The following PPP1R12B variants were observed in gnomAD, a reference collection of about 807,000 sequenced individuals.
PPP1R12B encodes myosin phosphatase target subunit 2.
Under a neutral mutation model 126.1 loss-of-function variants are expected in PPP1R12B, and 76 were observed. The ratio of observed to expected loss-of-function variants is 0.60; its 90% confidence interval spans 0.50 to 0.73. The LOEUF is 0.73. Ranked by LOEUF, PPP1R12B falls within the 30% of genes least tolerant of loss-of-function variation. The probability of loss-of-function intolerance (pLI) is 0.00; values close to 1 mark genes in which losing one functional copy is unlikely to be tolerated. For synonymous variants in PPP1R12B, 356 were observed against 434.7 expected (o/e 0.82, Z 2.25); for missense variants, 1,052 against 1,205.1 (o/e 0.87, Z 1.88).
intron 18 of PPP1R12B, among the ~76,000 whole-genome samples, chr1:202,532,669 T>TA (rs1684076000): frequency 1.3e-5 from 2 of 152,034 alleles, no homozygotes; most frequent in South Asian, 4.2e-4. Context: ...CATATAATCT[T>TA]AGAGTCCTCT....
At chr1:202,471,539 G>A (rs1427561487) in intron 13 of PPP1R12B, among the ~76,000 whole-genome samples, 5 of 140,506 alleles carry the variant, frequency 3.6e-5, no homozygotes, top group Non-Finnish European at 6.1e-5. Context: ...ATGTACGTGA[G>A]TTTCTCATTC....
At chr1:202,562,947 G>T in intron 20 of PPP1R12B, 25 bp downstream of exon 20, 1 of 1,533,554 alleles carries the variant, frequency 6.5e-7, no homozygotes, top group African/African-American at 1.4e-5. Context: ...CAATTTTCCG[G>T]TTCTTTGGTG....
intron 13 of PPP1R12B, among the ~76,000 whole-genome samples, chr1:202,467,899 T>C (rs1473510698): frequency 1.3e-5 from 2 of 152,086 alleles, no homozygotes; most frequent in African/African-American, 2.4e-5. Context: ...TTTCCTGACT[T>C]TTTAATGATT....
chr1:202,486,668 G>A (rs1344310786), intron 13 of PPP1R12B, among the ~76,000 whole-genome samples: 1 of 152,292 alleles, frequency 6.6e-6, no homozygotes, highest in South Asian at 2.1e-4. Context: ...TTAGCAGGGC[G>A]TAGTGGCGTG....
At chr1:202,424,696 G>A (rs1332619731) in intron 3 of PPP1R12B, among the ~76,000 whole-genome samples, 1 of 152,038 alleles carries the variant, frequency 6.6e-6, no homozygotes, top group Non-Finnish European at 1.5e-5. Context: ...TTTTTGAATG[G>A]GTATGTTTGT....
chr1:202,474,699 G>A (rs992442789), intron 13 of PPP1R12B, among the ~76,000 whole-genome samples: 1 of 152,124 alleles, frequency 6.6e-6, no homozygotes, highest in African/African-American at 2.4e-5. Context: ...GACTTCTAGA[G>A]CTGTGGTGTG....
chr1:202,417,830 G>A (rs1668280045), intron 2 of PPP1R12B, among the ~76,000 whole-genome samples: 1 of 152,242 alleles, frequency 6.6e-6, no homozygotes, highest in Non-Finnish European at 1.5e-5. Context: ...TTTGTTGGCA[G>A]CTGTGTAGAG....
At chr1:202,356,618 A>G (rs1481112855) in intron 1 of PPP1R12B, among the ~76,000 whole-genome samples, 2 of 152,162 alleles carry the variant, frequency 1.3e-5, no homozygotes, top group Non-Finnish European at 2.9e-5. Flanking sequence ...TAAGACAGGC[A>G]AGAGAGCAGA....
rs1262546186 is a variant in PPP1R12B at position 202,582,316 on chromosome 1, A to G, written c.*1756A>G. ...CCAGGCCTGGAAAGAATACAAATCC[A>G]GTGCAAAATTAAACCATTAGTTCTT... On this transcript the variant is annotated 3_prime_UTR_variant, in exon 24 of 24. Transcript: ENST00000608999. 6.6e-6 allele frequency: 1 copy of G among 152,628 alleles called. No individual in the cohort carries two copies. Among genetic ancestry groups the G allele is most frequent in the African/African-American group, 2.4e-5 (1 of 41,438 alleles). The allele number at this position is 152,628 out of a possible 1,614,324, so 9.5% of individuals were successfully genotyped here.
intron 12 of PPP1R12B, chr1:202,445,268 G>A: frequency 8.2e-7 from 1 of 1,220,648 alleles, no homozygotes; most frequent in Non-Finnish European, 1.0e-6. Context: ...ATTCATCAAA[G>A]TTAATGGCTC....
In PPP1R12B at chr1:202,502,111, T is replaced by C. The variant is rs142880322; in HGVS notation, c.2490+5289T>C. ...CAGGTGGCACTCAATCTGAACAAAA[T>C]CACTGAAACCTTACCCTCAAAGTTA... On this transcript the variant is annotated intron_variant, in intron 18 of 23. Transcript: ENST00000608999. 2,589 of 985,766 alleles carry C rather than the reference T, an allele frequency of 2.6e-3. 47 individuals are homozygous for C. The African/African-American group carries it at 0.042, about 16-fold the overall frequency. 61.1% of individuals were successfully genotyped at this position (985,766 alleles called of 1,614,324 possible).
intron 18 of PPP1R12B, chr1:202,501,814 C>T (rs1680253754): frequency 1.0e-6 from 1 of 975,564 alleles, no homozygotes; most frequent in Non-Finnish European, 1.2e-6. Flanking sequence ...TTAGGACTTA[C>T]ATCCTTTTCT....
intron 13 of PPP1R12B, among the ~76,000 whole-genome samples, chr1:202,451,254 G>T (rs559702154): frequency 6.7e-6 from 1 of 149,680 alleles, no homozygotes; most frequent in South Asian, 2.2e-4. Context: ...AATAGTGGAG[G>T]GAAGGTCAGC....
chr1:202,510,250 C>T (rs1167709819), intron 18 of PPP1R12B, among the ~76,000 whole-genome samples: 2 of 152,130 alleles, frequency 1.3e-5, no homozygotes, highest in African/African-American at 4.8e-5. Context: ...CCATTTTCAA[C>T]TATAATAACC....
Position 202,431,591 on chromosome 1 carries a change from T to G in PPP1R12B, c.1113T>G (p.Ala371=), listed in dbSNP as rs1223812540. ...SSEEEEGEDE[A]SESETEKEAD... is the part of the protein sequence containing the mutation. ...AGGAGGAGGAAGGTGAAGATGAAGC[T>G]TCTGAGTCAGAAACTGAGAAGGAGG... The change falls in exon 8 of 24, where the codon GCT becomes GCG. Residue 371 remains alanine (A), a synonymous_variant. Transcript: ENST00000608999. 6.2e-7 allele frequency: 1 copy of G among 1,609,934 alleles called. No homozygotes were observed. The highest frequency in any genetic ancestry group is 2.2e-5 in the East Asian group (1 of 44,722).
intron 23 of PPP1R12B, chr1:202,574,959 T>G (rs1364626625): frequency 6.5e-7 from 1 of 1,529,794 alleles, no homozygotes; most frequent in Non-Finnish European, 9.0e-7. Flanking sequence ...CTTGTCTCTC[T>G]CTGTCTTTTC....
intron 1 of PPP1R12B, among the ~76,000 whole-genome samples, chr1:202,384,259 C>T (rs1454589816): frequency 1.3e-5 from 2 of 152,128 alleles, no homozygotes; most frequent in South Asian, 2.1e-4. Context: ...TCATTGTTCA[C>T]GGCAGCATTA....
intron 22 of PPP1R12B, 100 bp from the exon 23 acceptor site, chr1:202,569,047 C>T: frequency 1.5e-6 from 2 of 1,349,580 alleles, no homozygotes; most frequent in Non-Finnish European, 2.1e-6. Flanking sequence ...GCAGACAAAC[C>T]TTTGACCGTG....
At chr1:202,568,580 C>T (rs770768665) in intron 22 of PPP1R12B, among the ~76,000 whole-genome samples, 2 of 152,152 alleles carry the variant, frequency 1.3e-5, no homozygotes, top group Non-Finnish European at 2.9e-5. Flanking sequence ...AAAAACTCCT[C>T]ATTGGGTTTA....
Sources: allele counts gnomAD v4.1 joint callset (sites outside exome capture counted in the v4.1 genomes callset), GRCh38; gene constraint gnomAD v4.1.1; transcripts MANE v1.5; gene names NCBI Gene and HGNC (gene_info 2026-07-23, HGNC 2026-07-21).